The following PIGH variants were observed in gnomAD, a reference collection of about 807,000 sequenced individuals.
PIGH encodes phosphatidylinositol glycan anchor biosynthesis class H, also known as phosphatidylinositol N-acetylglucosaminyltransferase subunit H.
Under a neutral mutation model 20.1 loss-of-function variants are expected in PIGH, and 11 were observed. The observed-to-expected ratio is 0.55, with a 90% confidence interval of 0.34 to 0.91. The LOEUF (loss-of-function observed/expected upper bound fraction) is 0.91, where lower values mean the gene tolerates loss of function less well. Ranked by LOEUF, PIGH falls within the 40% of genes least tolerant of loss-of-function variation. The pLI is 0.02. For synonymous variants in PIGH, 72 were observed against 93.1 expected, an observed-to-expected ratio of 0.77 and a Z score of 1.31; for missense variants, 189 against 233.6, an observed-to-expected ratio of 0.81 and a Z score of 1.24.
chr14:67,600,243 C>G lies in PIGH; in HGVS notation c.-40G>C. The G allele has an allele frequency of 6.7e-7, 1 of 1,493,110 alleles. No homozygotes were observed. The allele number at this position is 1,493,110 out of a possible 1,614,324, so 92.5% of individuals were successfully genotyped here. On this transcript the variant is annotated 5_prime_UTR_variant, in exon 1 of 4. Transcript: ENST00000216452. ...GCCGCCCGCACCGCGCGGCGCTGCA[C>G]TGCGCTCGCCGGCCCTGGCCGTCTC...
chr14:67,599,950 ACCAAAGACC>A (rs144087238), intron 1 of PIGH, 65 bp downstream of exon 1: 13 of 1,322,744 alleles, frequency 9.8e-6, no homozygotes, highest in Admixed American at 5.0e-5. Context: ...TCCGGGCTCG[ACCAAAGACC>A]CCAAAGACCC....
intron 2 of PIGH, 35 bp from the exon 3 acceptor site, chr14:67,592,753 T>G (rs772806275): frequency 8.1e-7 from 1 of 1,232,386 alleles, no homozygotes; most frequent in Non-Finnish European, 1.2e-6. Flanking sequence ...AAAGTCTAAG[T>G]GAAACTCATT....
intron 1 of PIGH, among the ~76,000 whole-genome samples, chr14:67,594,218 T>C (rs1055447837): frequency 5.3e-5 from 8 of 152,172 alleles, no homozygotes; most frequent in Non-Finnish European, 2.9e-5. Context: ...ACGCAGTAGC[T>C]TGCACCTGTA....
intron 2 of PIGH, among the ~76,000 whole-genome samples, chr14:67,593,019 T>G (rs1405484433): frequency 6.6e-6 from 1 of 152,228 alleles, no homozygotes; most frequent in East Asian, 1.9e-4. Flanking sequence ...ACTCCCGACC[T>G]TAGGTGATCC....
At position 67,600,016 on chromosome 14, in the gene PIGH, G is replaced by A. The variant is rs2036547349; in HGVS notation, c.180+8C>T. On this transcript the variant is annotated splice_region_variant and intron_variant, in intron 1 of 3. Transcript: ENST00000216452. ...TTCGAGCGCGGGGAGGGGCCGACTT[G>A]CCATTACCTCGCAGAGGGTGAAGAG... 2 of 1,553,142 alleles carry A rather than the reference G, an allele frequency of 1.3e-6. No homozygotes were observed. The highest frequency in any genetic ancestry group is 1.7e-6 in the Non-Finnish European group (2 of 1,148,820).
At chr14:67,590,986 A>T (rs971122663) in intron 3 of PIGH, among the ~76,000 whole-genome samples, 3 of 152,254 alleles carry the variant, frequency 2.0e-5, no homozygotes, top group Non-Finnish European at 2.9e-5. Context: ...AATGAAATGT[A>T]ATAACCAAAA....
chr14:67,596,848 T>C (rs911137413), intron 1 of PIGH, among the ~76,000 whole-genome samples: 3 of 152,362 alleles, frequency 2.0e-5, no homozygotes, highest in East Asian at 3.9e-4. Context: ...AATCTCCACT[T>C]GTCCATGCTA....
intron 3 of PIGH, among the ~76,000 whole-genome samples, chr14:67,591,540 A>G (rs972575518): frequency 1.3e-5 from 2 of 152,090 alleles, no homozygotes; most frequent in Non-Finnish European, 2.9e-5. Flanking sequence ...ATGTTTGTAT[A>G]ATTTTTGTTT....
chr14:67,590,973 C>T (rs1373202896), intron 3 of PIGH, among the ~76,000 whole-genome samples: 1 of 151,664 alleles, frequency 6.6e-6, no homozygotes, highest in Non-Finnish European at 1.5e-5. Flanking sequence ...AAATGTTTTA[C>T]ACAATGAAAT....
At chr14:67,593,691 G>A (rs1372008820) in intron 2 of PIGH, 52 bp downstream of exon 2, 3 of 1,043,458 alleles carry the variant, frequency 2.9e-6, no homozygotes, top group Non-Finnish European at 4.5e-6. Flanking sequence ...CATCCCATGG[G>A]CTGGCTACCT....
chr14:67,592,497 C>A, intron 3 of PIGH, 138 bp downstream of exon 3: 1 of 596,880 alleles, frequency 1.7e-6, no homozygotes, highest in South Asian at 2.1e-5. Context: ...CAGAGAGGAA[C>A]TTCTCAAATA....
rs1334766100 is a variant in PIGH at position 67,593,781 on chromosome 14, T to C, written c.352A>G (p.Lys118Glu). 6.2e-7 allele frequency: 1 copy of C among 1,613,460 alleles called. No individual in the cohort carries two copies. The highest frequency in any genetic ancestry group is 1.1e-5 in the South Asian group (1 of 91,068). The change falls in exon 2 of 4, where the codon AAG becomes GAG. Residue 118 changes from lysine to glutamate, a missense_variant. By Grantham distance (56) the Lys-to-Glu change is moderately conservative. Coordinates refer to ENST00000216452, the MANE Select transcript of PIGH (RefSeq NM_004569.5). ...KESTTFIEMG[K>E]VKDIVINEAI... ...TCATTGATGACAATATCCTTGACCT[T>C]GCCCATTTCTATGAAGGTAGTGCTT...
In PIGH at chr14:67,590,014, A is replaced by C. The variant is rs1594805157; in HGVS notation, c.*66T>G. 1 of 1,492,034 alleles carries C rather than the reference A, an allele frequency of 6.7e-7. No individual in the cohort carries two copies. The highest frequency in any genetic ancestry group is 2.4e-5 in the Admixed American group (1 of 41,802). The allele number at this position is 1,492,034 out of a possible 1,614,324, so 92.4% of individuals were successfully genotyped here. On this transcript the variant is annotated 3_prime_UTR_variant, in exon 4 of 4. Coordinates refer to ENST00000216452, the MANE Select transcript of PIGH (RefSeq NM_004569.5). ...CACCTGATGGTTTGGAGTACGGAAA[A>C]CCAGCCCCTATGGCTTAAGAGTCAT...
At chr14:67,599,946 C>T in intron 1 of PIGH, 78 bp downstream of exon 1, 2 of 1,258,378 alleles carry the variant, frequency 1.6e-6, no homozygotes, top group East Asian at 5.8e-5. Flanking sequence ...GAGGTCCGGG[C>T]TCGACCAAAG....
At chr14:67,593,297 C>A in intron 2 of PIGH, 1 of 194,582 alleles carries the variant, frequency 5.1e-6, no homozygotes. Context: ...CAAGACCAGC[C>A]TAGGCAACAT....
chr14:67,600,142 T>C lies in PIGH; in HGVS notation c.62A>G (p.Tyr21Cys). The change falls in exon 1 of 4, where the codon TAC becomes TGC. Residue 21 changes from tyrosine (Y) to cysteine (C), a missense_variant. Physicochemically the swap from Tyr to Cys is radical, Grantham distance 194. Coordinates refer to ENST00000216452, the MANE Select transcript of PIGH (RefSeq NM_004569.5). ...CGGRLALQRR[Y>C]YSPSCREFCL... Reference sequence around the variant, plus strand: ...GAATTCCCGGCAGGACGGGGAGTAGTAGCGGCGCTGCAGCGCCAGGCGGCC... The same window carrying C: ...GAATTCCCGGCAGGACGGGGAGTAGCAGCGGCGCTGCAGCGCCAGGCGGCC... The C allele has an allele frequency of 1.3e-6, 2 of 1,593,986 alleles. No homozygotes were observed. Among genetic ancestry groups the C allele is most frequent in the African/African-American group, 2.7e-5 (2 of 74,546 alleles).
chr14:67,589,542 G>A lies in PIGH; in HGVS notation c.*538C>T, dbSNP rs1337481998. 1.0e-6 allele frequency: 1 copy of A among 985,360 alleles called. No homozygotes were observed. Among genetic ancestry groups the A allele is most frequent in the Non-Finnish European group, 1.2e-6 (1 of 829,870 alleles). The allele number at this position is 985,360 out of a possible 1,614,324, so 61.0% of individuals were successfully genotyped here. A position where few individuals can be genotyped will look rare whatever the true frequency, so the allele number is the denominator to read the frequency against. ...AGCTATCTGTGAACCAGGTAACTGT[G>A]TGTTTTGGAAGATCTGTTTATTAAC... is the stretch of plus-strand genomic sequence containing the variant. On this transcript the variant is annotated 3_prime_UTR_variant, in exon 4 of 4. Coordinates refer to ENST00000216452, the MANE Select transcript of PIGH (RefSeq NM_004569.5).
chr14:67,598,537 A>G (rs1464019099), intron 1 of PIGH, among the ~76,000 whole-genome samples: 2 of 152,122 alleles, frequency 1.3e-5, no homozygotes, highest in African/African-American at 4.8e-5. Flanking sequence ...GGAATTCAGT[A>G]AAGCATCTGG....
At chr14:67,595,282 T>A (rs2036452843) in intron 1 of PIGH, among the ~76,000 whole-genome samples, 1 of 152,224 alleles carries the variant, frequency 6.6e-6, no homozygotes, top group Admixed American at 6.5e-5. Flanking sequence ...TGAAAAACAA[T>A]GTTTGTATGG....
Sources: gnomAD v4.1 joint callset for allele counts (sites outside exome capture counted in the v4.1 genomes callset) on GRCh38, gnomAD v4.1.1 for gene constraint, MANE v1.5 for transcripts, NCBI Gene and HGNC (gene_info 2026-07-23, HGNC 2026-07-21) for gene names.